PCCA: variants seen among roughly 807,000 people sequenced by gnomAD.
The protein encoded by PCCA is propionyl-CoA carboxylase alpha chain, mitochondrial.
Under a neutral mutation model 101.3 loss-of-function variants are expected in PCCA, and 74 were observed. That is an observed-to-expected ratio of 0.73 (90% CI 0.61 to 0.89). PCCA has a LOEUF of 0.89. PCCA is among the 40% of genes least tolerant of loss of function. The probability of loss-of-function intolerance (pLI) is 0.00; values close to 1 mark genes in which losing one functional copy is unlikely to be tolerated. For synonymous variants in PCCA, 294 were observed against 313.6 expected, an observed-to-expected ratio of 0.94 and a Z score of 0.66; for missense variants, 891 against 907.0, an observed-to-expected ratio of 0.98 and a Z score of 0.23.
chr13:100,504,052 G>C (rs1418300026), intron 21 of PCCA, among the ~76,000 whole-genome samples: 1 of 152,174 alleles, frequency 6.6e-6, no homozygotes, highest in Non-Finnish European at 1.5e-5. Context: ...AGATGTGAGA[G>C]GGTGGATTAG....
In PCCA at chr13:100,322,532, C is replaced by T. The variant is rs549436009; in HGVS notation, c.1430-8029C>T. On this transcript the variant is annotated intron_variant, in intron 16 of 23. Transcript: ENST00000376285. ...TATAATGTGCTAATCATTAGGTAAA[C>T]TATTCAGTCTCTCTGGATTGCAATT... Among the ~76,000 whole-genome samples, 9 of 150,110 alleles carry T rather than the reference C, an allele frequency of 6.0e-5. No homozygotes were observed. In the South Asian group the frequency reaches 1.9e-3, roughly 32 times the overall value.
chr13:100,344,239 G>A (rs1021422270), intron 18 of PCCA, among the ~76,000 whole-genome samples: 3 of 152,158 alleles, frequency 2.0e-5, no homozygotes, highest in Admixed American at 1.3e-4. Context: ...AATTGTATTC[G>A]AAACTTGAGT....
At chr13:100,216,058 T>C (rs1827204582) in intron 7 of PCCA, among the ~76,000 whole-genome samples, 1 of 151,792 alleles carries the variant, frequency 6.6e-6, no homozygotes, top group Admixed American at 6.6e-5. Context: ...TTCCTCCCTT[T>C]CCCTTCCCCT....
intron 12 of PCCA, among the ~76,000 whole-genome samples, chr13:100,286,838 T>C (rs746624936): frequency 6.6e-6 from 1 of 152,110 alleles, no homozygotes; most frequent in Non-Finnish European, 1.5e-5. Context: ...CCTTATCTAT[T>C]GCCTTTTTAA....
intron 12 of PCCA, among the ~76,000 whole-genome samples, chr13:100,276,635 TTCTG>T (rs2063691797): frequency 6.6e-6 from 1 of 152,170 alleles, no homozygotes; most frequent in South Asian, 2.1e-4. Context: ...GGATAATTTC[TTCTG>T]TCTTTCTTAC....
At chr13:100,467,214 G>T (rs1482955890) in intron 21 of PCCA, among the ~76,000 whole-genome samples, 4 of 152,150 alleles carry the variant, frequency 2.6e-5, no homozygotes, top group Non-Finnish European at 5.9e-5. Context: ...GTGGTTGGGA[G>T]TTAGTTATTC....
At chr13:100,359,096 C>CAAACAAAAA (rs2074272725) in intron 18 of PCCA, among the ~76,000 whole-genome samples, 1 of 103,784 alleles carries the variant, frequency 9.6e-6, no homozygotes, top group Non-Finnish European at 1.8e-5. Flanking sequence ...CAAGACTCCT[C>CAAACAAAAA]AAAAAAAAAA....
At chr13:100,279,499 C>T (rs1037474422) in intron 12 of PCCA, among the ~76,000 whole-genome samples, 4 of 151,734 alleles carry the variant, frequency 2.6e-5, no homozygotes, top group South Asian at 2.1e-4. Context: ...TTTTTTGAGA[C>T]GGAGTCTTGC....
At chr13:100,126,293 T>G (rs1458569031) in intron 4 of PCCA, among the ~76,000 whole-genome samples, 1 of 152,218 alleles carries the variant, frequency 6.6e-6, no homozygotes, top group African/African-American at 2.4e-5. Flanking sequence ...ATCTTTTTTT[T>G]TTAACAGAGT....
chr13:100,382,823 T>C (rs936366979), intron 19 of PCCA, among the ~76,000 whole-genome samples: 1 of 152,096 alleles, frequency 6.6e-6, no homozygotes, highest in Non-Finnish European at 1.5e-5. Flanking sequence ...TCTGTACTTA[T>C]AAGGGAAGGC....
At chr13:100,528,651 C>T (rs949545876) in intron 23 of PCCA, among the ~76,000 whole-genome samples, 1 of 152,188 alleles carries the variant, frequency 6.6e-6, no homozygotes, top group Non-Finnish European at 1.5e-5. Context: ...ATGCCAGGGG[C>T]TCCTGAGCCC....
chr13:100,119,876 T>G (rs934900971), intron 4 of PCCA, among the ~76,000 whole-genome samples: 1 of 152,152 alleles, frequency 6.6e-6, no homozygotes, highest in African/African-American at 2.4e-5. Flanking sequence ...ATTATTTATT[T>G]ATTTATTTAT....
intron 19 of PCCA, among the ~76,000 whole-genome samples, chr13:100,384,822 AG>A (rs1269144443): frequency 6.6e-6 from 1 of 152,180 alleles, no homozygotes; most frequent in Non-Finnish European, 1.5e-5. Context: ...AGACAGAAAA[AG>A]AACCTTTTTT....
intron 20 of PCCA, among the ~76,000 whole-genome samples, chr13:100,433,263 C>T (rs554031250): frequency 7.2e-5 from 11 of 151,952 alleles, no homozygotes; most frequent in Non-Finnish European, 1.5e-4. Context: ...ATTTCAGTTT[C>T]GTGCCATCTT....
intron 6 of PCCA, among the ~76,000 whole-genome samples, chr13:100,196,259 G>T (rs1450547837): frequency 2.0e-5 from 3 of 152,040 alleles, no homozygotes; most frequent in Non-Finnish European, 2.9e-5. Flanking sequence ...TTTAATAAAA[G>T]AAATTGAACA....
intron 22 of PCCA, chr13:100,527,222 T>C (rs1016286390): frequency 2.0e-5 from 9 of 460,090 alleles, no homozygotes; most frequent in African/African-American, 1.4e-4. Context: ...ACAATCAATT[T>C]TGGAACATTT....
chr13:100,128,893 A>G (rs190393399), intron 4 of PCCA, among the ~76,000 whole-genome samples: 1 of 152,170 alleles, frequency 6.6e-6, no homozygotes, highest in East Asian at 1.9e-4. Context: ...GGCTCTTCTT[A>G]AAATTGTTTT....
intron 18 of PCCA, among the ~76,000 whole-genome samples, chr13:100,346,420 G>A: frequency 6.6e-6 from 1 of 152,246 alleles, no homozygotes; most frequent in East Asian, 1.9e-4. Flanking sequence ...ACCTGAAGAT[G>A]TGACTCAGTT....
chr13:100,423,006 G>GTT (rs78572124), intron 19 of PCCA, among the ~76,000 whole-genome samples: 7 of 138,214 alleles, frequency 5.1e-5, no homozygotes, highest in African/African-American at 5.3e-5. Context: ...TTTTCTCTGA[G>GTT]TTTTTTTTTT....
Sources: allele counts gnomAD v4.1 joint callset (sites outside exome capture counted in the v4.1 genomes callset), GRCh38; gene constraint gnomAD v4.1.1; transcripts MANE v1.5; gene names NCBI Gene and HGNC (gene_info 2026-07-23, HGNC 2026-07-21).